The following ZCCHC7 variants were observed in gnomAD, a reference collection of about 807,000 sequenced individuals.
ZCCHC7 encodes zinc finger CCHC-type containing 7, also known as zinc finger CCHC domain-containing protein 7.
In ZCCHC7, 35 loss-of-function variants were observed where a neutral mutation model predicts 52.0. The observed-to-expected ratio is 0.67, with a 90% CI of 0.51 to 0.89. The LOEUF is 0.89. Among genes scored for constraint, ZCCHC7 ranks in the 40% least tolerant of loss-of-function variants. The pLI, the probability that ZCCHC7 is intolerant of heterozygous loss-of-function variation, is 0.00. For missense variants in ZCCHC7, 574 were observed against 649.1 expected, an observed-to-expected ratio of 0.88 and a Z score of 1.26; for synonymous variants, 217 against 221.5, an observed-to-expected ratio of 0.98 and a Z score of 0.18.
At chr9:37,311,697 T>G (rs1227641325) in intron 5 of ZCCHC7, among the ~76,000 whole-genome samples, 1 of 152,168 alleles carries the variant, frequency 6.6e-6, no homozygotes, top group Non-Finnish European at 1.5e-5. Flanking sequence ...AGGCGTGAGC[T>G]ACTGCGCCCG....
At chr9:37,161,184 A>C (rs1281526219) in intron 2 of ZCCHC7, among the ~76,000 whole-genome samples, 7 of 152,000 alleles carry the variant, frequency 4.6e-5, no homozygotes, top group Admixed American at 4.6e-4. Flanking sequence ...TCCTGACCTC[A>C]AGTGATCCAC....
intron 2 of ZCCHC7, among the ~76,000 whole-genome samples, chr9:37,249,456 C>CTTTTTTTTTTTTTTTTTTTTTT (rs60166399): frequency 2.0e-4 from 22 of 111,248 alleles, no homozygotes; most frequent in African/African-American, 3.4e-4. Context: ...CTTCTTCTTC[C>CTTTTTTTTTTTTTTTTTTTTTT]TTTTTTTTTT....
At chr9:37,203,086 T>C (rs1015237356) in intron 2 of ZCCHC7, among the ~76,000 whole-genome samples, 3 of 152,210 alleles carry the variant, frequency 2.0e-5, no homozygotes, top group Non-Finnish European at 4.4e-5. Flanking sequence ...GGGTGGTATC[T>C]TGAACAAATG....
At chr9:37,135,739 A>G (rs904527749) in intron 2 of ZCCHC7, among the ~76,000 whole-genome samples, 1 of 152,218 alleles carries the variant, frequency 6.6e-6, no homozygotes, top group Non-Finnish European at 1.5e-5. Context: ...TAATTGCTTG[A>G]CTAAGGTAAA....
Position 37,354,497 on chromosome 9 carries a change from G to A in ZCCHC7, c.1084-213G>A, listed in dbSNP as rs1821577434. On this transcript the variant is annotated intron_variant, in intron 7 of 8. Coordinates refer to ENST00000336755, the MANE Select transcript of ZCCHC7 (RefSeq NM_032226.3). This position sits in a 1 kb window ranked among gnomAD's most constrained non-coding sequence, Gnocchi z 4.0. Reference sequence around the variant, plus strand: ...GGGTTTCATAGGTAAAGAAGTAAGGGAAGAAAACTCAAGCTTGAAAGAATA... The same window carrying A: ...GGGTTTCATAGGTAAAGAAGTAAGGAAAGAAAACTCAAGCTTGAAAGAATA... Among the ~76,000 whole-genome samples the A allele has an allele frequency of 6.6e-6, 1 of 152,180 alleles. No homozygotes were observed. The highest frequency in any genetic ancestry group is 2.1e-4 in the South Asian group (1 of 4,830).
intron 5 of ZCCHC7, among the ~76,000 whole-genome samples, chr9:37,317,133 T>TA (rs1359576474): frequency 1.3e-5 from 2 of 152,170 alleles, no homozygotes; most frequent in Non-Finnish European, 2.9e-5. Context: ...AAAAGACCCA[T>TA]AGTGAAATTT....
intron 2 of ZCCHC7, among the ~76,000 whole-genome samples, chr9:37,182,687 T>G (rs1000189197): frequency 6.6e-6 from 1 of 152,220 alleles, no homozygotes; most frequent in Admixed American, 6.5e-5. Flanking sequence ...ATTTCAAAGA[T>G]GGAACATAAG....
At position 37,288,144 on chromosome 9, in the gene ZCCHC7, G is replaced by A. The variant is rs1828345595; in HGVS notation, c.611-14044G>A. ...AAATATAAAAAATTAGCCAAGCATG[G>A]TGGTACACACCTGTGGTCCCAGCTA... On this transcript the variant is annotated intron_variant, in intron 2 of 8. Transcript: ENST00000336755. 3.3e-5 allele frequency among the ~76,000 whole-genome samples: 5 copies of A among 151,834 alleles called. No homozygotes were observed. In the South Asian group the frequency reaches 1.0e-3, roughly 32 times the overall value.
At chr9:37,134,897 TG>T (rs1842936717) in intron 2 of ZCCHC7, among the ~76,000 whole-genome samples, 1 of 152,214 alleles carries the variant, frequency 6.6e-6, no homozygotes, top group Middle Eastern at 3.4e-3. Flanking sequence ...AGCTAATTTT[TG>T]TATTTTTAGT....
intron 5 of ZCCHC7, among the ~76,000 whole-genome samples, chr9:37,316,231 T>C (rs1829815048): frequency 6.6e-6 from 1 of 151,924 alleles, no homozygotes; most frequent in African/African-American, 2.4e-5. Flanking sequence ...AGCTGCTTTT[T>C]GTATTTTTAA....
chr9:37,335,398 C>T (rs1345979673), intron 6 of ZCCHC7, among the ~76,000 whole-genome samples: 22 of 152,148 alleles, frequency 1.4e-4, no homozygotes, highest in Admixed American at 8.5e-4. Context: ...CTGAGTCTTT[C>T]GTCATATACT....
intron 2 of ZCCHC7, among the ~76,000 whole-genome samples, chr9:37,130,694 C>T (rs377722217): frequency 1.8e-4 from 27 of 151,392 alleles, no homozygotes; most frequent in East Asian, 9.9e-4. Context: ...GACGGGGTTT[C>T]GCAGTGTTAG....
intron 2 of ZCCHC7, among the ~76,000 whole-genome samples, chr9:37,184,392 C>CA (rs34335465): frequency 0.12 from 13,997 of 121,228 alleles, 878 homozygotes; most frequent in African/African-American, 0.2. Context: ...TGGCTTGCAT[C>CA]AAAAAAAAAA....
intron 6 of ZCCHC7, among the ~76,000 whole-genome samples, chr9:37,328,452 C>T (rs1050926993): frequency 6.6e-6 from 1 of 151,902 alleles, no homozygotes; most frequent in African/African-American, 2.4e-5. Context: ...GACTGGTGCT[C>T]AATATTATGA....
At chr9:37,128,522 G>A (rs1233003549) in intron 2 of ZCCHC7, among the ~76,000 whole-genome samples, 2 of 152,150 alleles carry the variant, frequency 1.3e-5, no homozygotes, top group Non-Finnish European at 2.9e-5. Flanking sequence ...TATGATTTTA[G>A]TATTCAATTG....
chr9:37,179,147 C>A (rs1483840148), intron 2 of ZCCHC7, among the ~76,000 whole-genome samples: 1 of 152,134 alleles, frequency 6.6e-6, no homozygotes, highest in Non-Finnish European at 1.5e-5. Flanking sequence ...TTCATTGAGT[C>A]ACTGAGAGGT....
chr9:37,134,619 G>C (rs541643312), intron 2 of ZCCHC7, among the ~76,000 whole-genome samples: 1 of 152,246 alleles, frequency 6.6e-6, no homozygotes, highest in East Asian at 1.9e-4. Flanking sequence ...TCCTGTTCCT[G>C]CCCTTCCCCT....
At chr9:37,250,165 G>A (rs74643597) in intron 2 of ZCCHC7, among the ~76,000 whole-genome samples, 14,590 of 152,168 alleles carry the variant, frequency 0.096, 933 homozygotes, top group Middle Eastern at 0.16. Flanking sequence ...ACAGTGTTTA[G>A]CACATGAATA....
rs200778737 is a variant in ZCCHC7, at chr9:37,357,144, C to G, written c.1508C>G (p.Thr503Arg). 1.9e-6 allele frequency: 3 copies of G among 1,613,126 alleles called. No homozygotes were observed. The African/African-American group carries it at 4.0e-5, about 22-fold the overall frequency. Residue 503 changes from threonine to arginine, a missense_variant, in exon 9 of 9, where the codon ACG (threonine) becomes AGG (arginine). Around this residue, in one of 3 missense-constraint regions of ZCCHC7, gnomAD observed 168 missense variants for 171.6 expected, o/e 0.98. Coordinates refer to ENST00000336755, the MANE Select transcript of ZCCHC7 (RefSeq NM_032226.3). ...KPFHRSSHYH[T>R]SREDKSPKEG... ...TTTCACCGTTCATCACATTACCACA[C>G]GTCAAGAGAAGACAAGTCTCCCAAG...
Sources: allele counts gnomAD v4.1 joint callset (sites outside exome capture counted in the v4.1 genomes callset), GRCh38; gene constraint gnomAD v4.1.1; regional missense constraint gnomAD v4.1.1; non-coding constraint Gnocchi (gnomAD v3.1); transcripts MANE v1.5; gene names NCBI Gene and HGNC (gene_info 2026-07-23, HGNC 2026-07-21).